Variants in DEGS2 observed in about 807,000 individuals in gnomAD.
The protein encoded by DEGS2 is delta 4-desaturase, sphingolipid 2.
A neutral mutation model predicts 23.8 loss-of-function variants in DEGS2; 19 were observed. The observed-to-expected ratio is 0.80, with a 90% confidence interval of 0.56 to 1.17. The LOEUF (loss-of-function observed/expected upper bound fraction) is 1.17, where lower values mean the gene tolerates loss of function less well. Among genes scored for constraint, DEGS2 ranks in the 50% most tolerant of loss-of-function variants. The pLI, the probability that DEGS2 is intolerant of heterozygous loss-of-function variation, is 0.00. For synonymous variants in DEGS2, 218 were observed against 213.7 expected, an observed-to-expected ratio of 1.02 and a Z score of -0.18; for missense variants, 390 against 459.5, an observed-to-expected ratio of 0.85 and a Z score of 1.38.
the DEGS2 span, among the ~76,000 whole-genome samples, chr14:100,165,632 G>A: frequency 6.6e-6 from 1 of 152,162 alleles, no homozygotes; most frequent in African/African-American, 2.4e-5. Flanking sequence ...TGCTGCTGTG[G>A]ACGCCTCTCC....
chr14:100,148,527 C>G (rs1235647397), intron 2 of DEGS2, among the ~76,000 whole-genome samples: 5 of 152,260 alleles, frequency 3.3e-5, no homozygotes, highest in African/African-American at 1.2e-4. Context: ...TCCCCATCAG[C>G]TCTGCCCAAG....
Position 100,146,625 on chromosome 14 carries a change from G to A in DEGS2, c.*136C>T. The stretch of plus-strand genomic sequence containing the variant: ...GCAGCCCACACTGCTGTTGCCAGGT[G>A]TGGCTGCGCGGGACACTCCTCGGGG... On this transcript the variant is annotated 3_prime_UTR_variant, in exon 3 of 3. Coordinates refer to ENST00000305631, the MANE Select transcript of DEGS2 (RefSeq NM_206918.3). 1 of 1,293,176 alleles carries A rather than the reference G, an allele frequency of 7.7e-7. No individual in the cohort carries two copies. Among genetic ancestry groups the A allele is most frequent in the East Asian group, 2.4e-5 (1 of 42,230 alleles). 80.1% of individuals were successfully genotyped at this position (1,293,176 alleles called of 1,614,324 possible).
the DEGS2 span, among the ~76,000 whole-genome samples, chr14:100,165,965 G>T: frequency 9.6e-6 from 1 of 104,200 alleles, no homozygotes; most frequent in Non-Finnish European, 2.1e-5. Context: ...TGGGAGAGTG[G>T]GGGGAGCCTG....
chr14:100,165,703 G>A, the DEGS2 span, among the ~76,000 whole-genome samples: 1 of 152,066 alleles, frequency 6.6e-6, no homozygotes, highest in East Asian at 2.0e-4. Flanking sequence ...GCCTCCTTCC[G>A]GGCTGGCTGG....
upstream of DEGS2, chr14:100,160,101 G>C (rs1430727619): frequency 6.6e-6 from 1 of 152,422 alleles, no homozygotes; most frequent in Non-Finnish European, 1.5e-5. Flanking sequence ...GAATGGATGC[G>C]ACGGTGCCAG....
At position 100,146,875 on chromosome 14, in the gene DEGS2, G is replaced by A; in HGVS notation, c.858C>T (p.His286=). The A allele has an allele frequency of 6.2e-7, 1 of 1,613,692 alleles. No homozygotes were observed. The highest frequency in any genetic ancestry group is 8.5e-7 in the Non-Finnish European group (1 of 1,179,888). ...VRKIAPEYYD[H]LPQHHSWVKV... is the part of the protein sequence containing the mutation. ...TCACCCAGGAGTGGTGCTGCGGCAGGTGGTCGTAGTACTCGGGCGCGATCT... is the reference window on the plus strand; with the variant it reads ...TCACCCAGGAGTGGTGCTGCGGCAGATGGTCGTAGTACTCGGGCGCGATCT... The change falls in exon 3 of 3, where the codon CAC becomes CAT. Residue 286 remains histidine, a synonymous_variant. Coordinates refer to ENST00000305631, the MANE Select transcript of DEGS2 (RefSeq NM_206918.3).
At position 100,159,495 on chromosome 14, in the gene DEGS2, GCGGCGCT is replaced by G; in HGVS notation, c.82+4_82+10del. ...CGGTCCCCACCGGGGTGGGCCCCGC[GCGGCGCT>G]CACCCAGTATCTCCTTGCGCCGCTG... On this transcript the variant is annotated splice_donor_5th_base_variant and intron_variant, in intron 1 of 2. Coordinates refer to ENST00000305631, the MANE Select transcript of DEGS2 (RefSeq NM_206918.3). 1 of 1,486,610 alleles carries G rather than the reference GCGGCGCT, an allele frequency of 6.7e-7. No homozygotes were observed. Among genetic ancestry groups the G allele is most frequent in the Non-Finnish European group, 8.9e-7 (1 of 1,119,884 alleles). 92.1% of individuals were successfully genotyped at this position (1,486,610 alleles called of 1,614,324 possible).
intron 1 of DEGS2, among the ~76,000 whole-genome samples, chr14:100,156,386 G>A (rs1011323111): frequency 1.3e-5 from 2 of 152,238 alleles, no homozygotes; most frequent in Non-Finnish European, 2.9e-5. Context: ...TTAGGGAAAC[G>A]ACAGCCCTTG....
chr14:100,148,839 GGCCAT>G, intron 2 of DEGS2, 124 bp downstream of exon 2: 1 of 1,087,198 alleles, frequency 9.2e-7, no homozygotes. Context: ...AAGTGCAAGT[GGCCAT>G]GCCATGACTA....
Position 100,149,347 on chromosome 14 carries a change from T to C in DEGS2, c.446A>G (p.Glu149Gly). The C allele has an allele frequency of 5.0e-6, 8 of 1,609,526 alleles. No individual in the cohort carries two copies. The highest frequency in any genetic ancestry group is 6.8e-6 in the Non-Finnish European group (8 of 1,178,022). ...GGCGGGTGTGCAGAAGAACCAGCCCTCCAGACGCGTGGGCACGTCCACGTC... is the reference window on the plus strand; with the variant it reads ...GGCGGGTGTGCAGAAGAACCAGCCCCCCAGACGCGTGGGCACGTCCACGTC... ...GLDVDVPTRL[E>G]GWFFCTPARK... Residue 149 changes from glutamate (E) to glycine (G), a missense_variant, in exon 2 of 3, where the codon GAG becomes GGG. Transcript: ENST00000305631.
chr14:100,144,141 G>A lies in DEGS2; in HGVS notation c.*2620C>T. On this transcript the variant is annotated 3_prime_UTR_variant, in exon 3 of 3. Coordinates refer to ENST00000305631, the MANE Select transcript of DEGS2 (RefSeq NM_206918.3). ...CCACCACACACCGCAGAGCTGTCCAGGCACAGCTCCGTCCCCAGCGCTCAT... is the reference window on the plus strand; with the variant it reads ...CCACCACACACCGCAGAGCTGTCCAAGCACAGCTCCGTCCCCAGCGCTCAT... 1 of 249,514 alleles carries A rather than the reference G, an allele frequency of 4.0e-6. No individual in the cohort carries two copies. The highest frequency in any genetic ancestry group is 5.1e-5 in the Admixed American group (1 of 19,726). 15.5% of individuals were successfully genotyped at this position (249,514 alleles called of 1,614,324 possible).
At chr14:100,162,404 A>C (rs1234971498), upstream of DEGS2, among the ~76,000 whole-genome samples, 3 of 151,414 alleles carry the variant, frequency 2.0e-5, no homozygotes, top group African/African-American at 7.3e-5. Context: ...AATAAAATGA[A>C]GTTTATTAGG....
chr14:100,161,301 T>C (rs1566744395), upstream of DEGS2, among the ~76,000 whole-genome samples: 2 of 152,094 alleles, frequency 1.3e-5, no homozygotes, highest in Non-Finnish European at 2.9e-5. Context: ...AGGCCCTCAT[T>C]TTCCAGATGA....
chr14:100,161,644 A>G (rs540940542), upstream of DEGS2, among the ~76,000 whole-genome samples: 1 of 152,354 alleles, frequency 6.6e-6, no homozygotes, highest in South Asian at 2.1e-4. Context: ...TAGTGTATCA[A>G]TATTGGTCCA....
intron 1 of DEGS2, among the ~76,000 whole-genome samples, chr14:100,150,680 TGGTGC>T (rs1343594828): frequency 1.3e-5 from 2 of 152,096 alleles, no homozygotes; most frequent in African/African-American, 4.8e-5. Flanking sequence ...TCTGCCTACA[TGGTGC>T]GCCCTCAGGG....
chr14:100,148,076 G>GGTC (rs1889486102), intron 2 of DEGS2, among the ~76,000 whole-genome samples: 1 of 152,176 alleles, frequency 6.6e-6, no homozygotes, highest in African/African-American at 2.4e-5. Context: ...CTTGGAATTT[G>GGTC]GTCTGATTCC....
chr14:100,147,507 C>T (rs1029100268), intron 2 of DEGS2, among the ~76,000 whole-genome samples: 9 of 152,128 alleles, frequency 5.9e-5, no homozygotes, highest in African/African-American at 1.9e-4. Context: ...CTGCTGTCCC[C>T]TCCAGCCTTT....
rs1222962791 is a variant in DEGS2 at position 100,159,625 on chromosome 14, C to A, written c.-38G>T. 15 of 1,301,094 alleles carry A rather than the reference C, an allele frequency of 1.2e-5. No homozygotes were observed. The highest frequency in any genetic ancestry group is 1.6e-5 in the African/African-American group (1 of 62,614). 80.6% of individuals were successfully genotyped at this position (1,301,094 alleles called of 1,614,324 possible). A position where few individuals can be genotyped will look rare whatever the true frequency, so the allele number is the denominator to read the frequency against. On this transcript the variant is annotated 5_prime_UTR_variant, in exon 1 of 3. Transcript: ENST00000305631. ...GGCGCCGTTCGGAGCGCGGCCGGCT[C>A]GGCTCTGCTGCACCTGTCGCGGCGG...
the DEGS2 span, among the ~76,000 whole-genome samples, chr14:100,165,074 C>G: frequency 6.6e-6 from 1 of 152,080 alleles, no homozygotes; most frequent in Non-Finnish European, 1.5e-5. Flanking sequence ...CCTAGCTGAC[C>G]CTAGAGAGGC....
Sources: gnomAD v4.1 joint callset for allele counts (sites outside exome capture counted in the v4.1 genomes callset) on GRCh38, gnomAD v4.1.1 for gene constraint, MANE v1.5 for transcripts, NCBI Gene and HGNC (gene_info 2026-07-23, HGNC 2026-07-21) for gene names.